Variants in USP53 observed in about 807,000 individuals in gnomAD.
The protein encoded by USP53 is ubiquitin carboxyl-terminal hydrolase 53.
Under a neutral mutation model 94.9 loss-of-function variants are expected in USP53, and 71 were observed. The observed-to-expected ratio is 0.75, with a 90% CI of 0.62 to 0.91. USP53 has a LOEUF of 0.91. Ranked by LOEUF, USP53 falls within the 40% of genes least tolerant of loss-of-function variation. USP53 has a pLI of 0.00. For synonymous variants in USP53, 375 were observed against 422.7 expected (o/e 0.89, Z 1.39); for missense variants, 1,173 against 1,281.0 (o/e 0.92, Z 1.29).
At chr4:119,283,683 G>T in intron 17 of USP53, among the ~76,000 whole-genome samples, 1 of 151,790 alleles carries the variant, frequency 6.6e-6, no homozygotes, top group South Asian at 2.1e-4. Context: ...AGATGTATTT[G>T]GGATGTATAC....
chr4:119,228,312 T>C (rs181435288), intron 3 of USP53, among the ~76,000 whole-genome samples: 2 of 152,340 alleles, frequency 1.3e-5, no homozygotes, highest in East Asian at 1.9e-4. Context: ...TGTTCTCTCA[T>C]GTTGAGGCCC....
chr4:119,280,548 A>AT (rs1753402075), intron 17 of USP53, among the ~76,000 whole-genome samples: 1 of 152,210 alleles, frequency 6.6e-6, no homozygotes, highest in Admixed American at 6.5e-5. Context: ...CGTAAAGAAA[A>AT]TAAGAATGGT....
Position 119,293,620 on chromosome 4 carries a change from C to T in USP53, c.*409C>T, listed in dbSNP as rs1186376249. On this transcript the variant is annotated 3_prime_UTR_variant, in exon 19 of 19. Coordinates refer to ENST00000692078, the MANE Select transcript of USP53 (RefSeq NM_001371395.1). ...GTCCCCCTATTTTGTGGCCAGTAGA[C>T]TGGGAAGTATTAAACTAACCAGTAC... 3 of 159,814 alleles carry T rather than the reference C, an allele frequency of 1.9e-5. No homozygotes were observed. The highest frequency in any genetic ancestry group is 7.2e-5 in the African/African-American group (3 of 41,492). The allele number at this position is 159,814 out of a possible 1,614,324, so 9.9% of individuals were successfully genotyped here.
intron 3 of USP53, among the ~76,000 whole-genome samples, chr4:119,224,884 T>G (rs1026336851): frequency 6.6e-6 from 1 of 152,124 alleles, no homozygotes; most frequent in African/African-American, 2.4e-5. Flanking sequence ...CTCTAAGCTT[T>G]TATCAGAAAA....
Position 119,293,126 on chromosome 4 carries a change from C to T in USP53, c.3137C>T (p.Thr1046Met), listed in dbSNP as rs200613778. The change falls in exon 19 of 19, where the codon ACG becomes ATG. Residue 1046 changes from threonine to methionine, a missense_variant. Transcript: ENST00000692078. Reference protein sequence around the residue: ...TTYFSVDSCMTDTYRLKYHQR... With the variant: ...TTYFSVDSCMMDTYRLKYHQR... ...TATTTTTCAGTTGATAGCTGCATGACGGATACATATAGATTGAAATACCAT... is the reference window on the plus strand; with the variant it reads ...TATTTTTCAGTTGATAGCTGCATGATGGATACATATAGATTGAAATACCAT... The T allele has an allele frequency of 9.2e-5, 149 of 1,613,582 alleles. No individual in the cohort carries two copies. The highest frequency in any genetic ancestry group is 1.2e-4 in the Non-Finnish European group (137 of 1,179,898).
chr4:119,242,593 T>C (rs1444670648), intron 5 of USP53, among the ~76,000 whole-genome samples: 1 of 152,160 alleles, frequency 6.6e-6, no homozygotes, highest in Non-Finnish European at 1.5e-5. Flanking sequence ...TACTGATCCC[T>C]GATGTTAACT....
At chr4:119,233,306 A>G (rs928238198) in intron 3 of USP53, among the ~76,000 whole-genome samples, 2 of 151,698 alleles carry the variant, frequency 1.3e-5, no homozygotes, top group African/African-American at 2.4e-5. Flanking sequence ...TCTTTTTAGT[A>G]TAAGGTTTCA....
chr4:119,241,772 CTT>C (rs1425886597), intron 5 of USP53, among the ~76,000 whole-genome samples: 13 of 152,078 alleles, frequency 8.5e-5, no homozygotes, highest in Admixed American at 8.5e-4. Flanking sequence ...TTTGGAAACA[CTT>C]TGTTATTTCT....
intron 4 of USP53, among the ~76,000 whole-genome samples, chr4:119,235,896 C>T (rs551899034): frequency 1.6e-4 from 24 of 152,290 alleles, no homozygotes; most frequent in African/African-American, 5.8e-4. Context: ...CTTCCTATCC[C>T]CTTTTCTTAG....
intron 17 of USP53, among the ~76,000 whole-genome samples, chr4:119,285,360 T>C (rs962695016): frequency 5.3e-5 from 8 of 151,930 alleles, no homozygotes; most frequent in Non-Finnish European, 1.0e-4. Context: ...ATAGATCATA[T>C]GTAACAGATC....
intron 3 of USP53, among the ~76,000 whole-genome samples, chr4:119,222,378 C>G (rs1744666145): frequency 6.6e-6 from 1 of 152,174 alleles, no homozygotes; most frequent in Non-Finnish European, 1.5e-5. Flanking sequence ...CTGTGTTGTG[C>G]TACTGAACAC....
intron 10 of USP53, 146 bp downstream of exon 10, chr4:119,260,071 T>C (rs1750298065): frequency 1.9e-6 from 1 of 520,680 alleles, no homozygotes. Flanking sequence ...TTATACCATG[T>C]GTATCATTTA....
intron 3 of USP53, among the ~76,000 whole-genome samples, chr4:119,233,758 CCTTT>C (rs1198554816): frequency 6.6e-6 from 1 of 151,970 alleles, no homozygotes; most frequent in Non-Finnish European, 1.5e-5. Context: ...TCATTTGTTG[CCTTT>C]CTTTCATTGT....
chr4:119,291,752 G>A (rs1029476558), intron 18 of USP53, among the ~76,000 whole-genome samples: 1 of 152,076 alleles, frequency 6.6e-6, no homozygotes, highest in African/African-American at 2.4e-5. Flanking sequence ...GTGATGTGGT[G>A]GTACATGTCT....
intron 3 of USP53, among the ~76,000 whole-genome samples, chr4:119,227,299 A>ACACACAC (rs1491380548): frequency 8.2e-5 from 12 of 145,764 alleles, no homozygotes; most frequent in East Asian, 4.3e-4. Flanking sequence ...ACACACACAC[A>ACACACAC]AACTTGAAAT....
chr4:119,249,823 C>T (rs1259817215), intron 7 of USP53, among the ~76,000 whole-genome samples: 1 of 151,880 alleles, frequency 6.6e-6, no homozygotes, highest in African/African-American at 2.4e-5. Flanking sequence ...CGCCACCATG[C>T]CCGGCTAATT....
At chr4:119,260,759 T>G in intron 11 of USP53, 106 bp downstream of exon 11, 3 of 1,320,240 alleles carry the variant, frequency 2.3e-6, no homozygotes, top group Non-Finnish European at 3.1e-6. Context: ...TCAGGCTAAC[T>G]GGAATGCCTT....
intron 3 of USP53, among the ~76,000 whole-genome samples, chr4:119,228,954 A>T (rs1745687415): frequency 6.6e-6 from 1 of 152,244 alleles, no homozygotes; most frequent in Non-Finnish European, 1.5e-5. Flanking sequence ...GTGTAAGTAG[A>T]TTTAGATGAA....
intron 4 of USP53, among the ~76,000 whole-genome samples, chr4:119,237,501 A>G (rs1371443539): frequency 2.0e-5 from 3 of 152,156 alleles, no homozygotes; most frequent in South Asian, 2.1e-4. Flanking sequence ...CCTCGCTGCT[A>G]TCTATTGAAA....
Sources: allele counts gnomAD v4.1 joint callset (sites outside exome capture counted in the v4.1 genomes callset), GRCh38; gene constraint gnomAD v4.1.1; transcripts MANE v1.5; gene names NCBI Gene and HGNC (gene_info 2026-07-23, HGNC 2026-07-21).